Variants in BICD1 observed in about 807,000 individuals in gnomAD.
BICD1 encodes protein bicaudal D homolog 1.
Under a neutral mutation model 92.5 loss-of-function variants are expected in BICD1, and 35 were observed. The ratio of observed to expected loss-of-function variants is 0.38; its 90% CI spans 0.29 to 0.50. The LOEUF (loss-of-function observed/expected upper bound fraction) is 0.50. Ranked by LOEUF, BICD1 falls within the 20% of genes least tolerant of loss-of-function variation. The probability of loss-of-function intolerance (pLI) is 0.93; values close to 1 mark genes in which losing one functional copy is unlikely to be tolerated. For missense variants in BICD1, 950 were observed against 1,189.8 expected (o/e 0.80, Z 2.97); for synonymous variants, 429 against 465.1 (o/e 0.92, Z 1.00).
At chr12:32,332,692 C>T (rs1937930584) in intron 5 of BICD1, 5 of 344,760 alleles carry the variant, frequency 1.5e-5, no homozygotes, top group Non-Finnish European at 2.0e-5. Context: ...GCGGAAAAGA[C>T]TTCACAGAAG....
chr12:32,362,912 A>C (rs1939388779), intron 8 of BICD1, among the ~76,000 whole-genome samples: 1 of 152,132 alleles, frequency 6.6e-6, no homozygotes, highest in Non-Finnish European at 1.5e-5. Flanking sequence ...ATATTATCAA[A>C]AACACTTATT....
intron 1 of BICD1, among the ~76,000 whole-genome samples, chr12:32,120,641 A>G (rs1942107817): frequency 6.6e-6 from 1 of 152,136 alleles, no homozygotes; most frequent in South Asian, 2.1e-4. Flanking sequence ...CTTGAAGTTG[A>G]CCTTGTGTGA....
chr12:32,110,730 A>C (rs1941651985), intron 1 of BICD1, among the ~76,000 whole-genome samples: 1 of 151,858 alleles, frequency 6.6e-6, no homozygotes, highest in Non-Finnish European at 1.5e-5. Flanking sequence ...CCTTGGATCT[A>C]AACTTAAGAG....
At chr12:32,159,153 C>T (rs1016837752) in intron 1 of BICD1, among the ~76,000 whole-genome samples, 2 of 152,010 alleles carry the variant, frequency 1.3e-5, no homozygotes, top group African/African-American at 4.8e-5. Flanking sequence ...AGGCTGGTCT[C>T]GAACTTCTGA....
chr12:32,325,657 A>T (rs1215159873), intron 4 of BICD1, among the ~76,000 whole-genome samples: 4 of 152,184 alleles, frequency 2.6e-5, no homozygotes, highest in Non-Finnish European at 5.9e-5. Flanking sequence ...GTAATAAGCT[A>T]GTTTTAAAAT....
chr12:32,201,920 C>T (rs936680444), intron 1 of BICD1, among the ~76,000 whole-genome samples: 2 of 152,180 alleles, frequency 1.3e-5, no homozygotes, highest in African/African-American at 4.8e-5. Context: ...AGACTGCTTG[C>T]TGAGCACATA....
chr12:32,351,511 A>G (rs1335276198), intron 8 of BICD1, among the ~76,000 whole-genome samples: 2 of 139,298 alleles, frequency 1.4e-5, no homozygotes, highest in Non-Finnish European at 3.1e-5. Flanking sequence ...AAAAAAAAAA[A>G]GAAAGGAGAA....
intron 1 of BICD1, among the ~76,000 whole-genome samples, chr12:32,170,510 CT>C (rs1943904842): frequency 6.6e-6 from 1 of 152,214 alleles, no homozygotes; most frequent in Non-Finnish European, 1.5e-5. Context: ...TTGTACTCAA[CT>C]CTTTAAAGGT....
chr12:32,298,581 A>AAAAAAAG (rs1947945363), intron 3 of BICD1, among the ~76,000 whole-genome samples: 1 of 143,748 alleles, frequency 7.0e-6, no homozygotes. Flanking sequence ...AAAAAAAAAA[A>AAAAAAAG]AAAAAGAGGC....
chr12:32,235,989 C>T (rs565075060), intron 2 of BICD1, among the ~76,000 whole-genome samples: 21 of 151,682 alleles, frequency 1.4e-4, no homozygotes, highest in East Asian at 7.9e-4. Context: ...TGAGCCACTG[C>T]GCCTGGCCCA....
chr12:32,133,000 G>A (rs566969645), intron 1 of BICD1, among the ~76,000 whole-genome samples: 1 of 152,176 alleles, frequency 6.6e-6, no homozygotes, highest in South Asian at 2.1e-4. Context: ...AAAAGAAGGT[G>A]GAGAAATCAG....
At chr12:32,286,064 C>T (rs1036168137) in intron 2 of BICD1, among the ~76,000 whole-genome samples, 8 of 152,120 alleles carry the variant, frequency 5.3e-5, no homozygotes, top group African/African-American at 1.9e-4. Context: ...GTGTTGCAGC[C>T]CAAGCTCTTC....
rs1592741175 is a variant in BICD1 at position 32,380,823 on chromosome 12, A to G, written c.*3196A>G. The G allele has an allele frequency of 1.3e-5, 2 of 151,536 alleles. No homozygotes were observed. The highest frequency in any genetic ancestry group is 2.1e-4 in the South Asian group (1 of 4,744). The allele number at this position is 151,536 out of a possible 1,614,324, so 9.4% of individuals were successfully genotyped here. On this transcript the variant is annotated 3_prime_UTR_variant, in exon 10 of 10. Coordinates refer to ENST00000652176, the MANE Select transcript of BICD1 (RefSeq NM_001714.4). ...AGAGGAGGTACAATAGTAGTCTTCA[A>G]GAAAAGAATATTTAACAAATGATAG...
chr12:32,208,184 A>G (rs939945663), intron 1 of BICD1, among the ~76,000 whole-genome samples: 6 of 152,252 alleles, frequency 3.9e-5, no homozygotes, highest in Non-Finnish European at 8.8e-5. Context: ...ATAGAACTTA[A>G]AAACCTTGCC....
intron 4 of BICD1, among the ~76,000 whole-genome samples, chr12:32,316,212 T>G (rs1948496911): frequency 6.6e-6 from 1 of 152,118 alleles, no homozygotes. Flanking sequence ...TCTGGACACT[T>G]TTAAGGTAGG....
intron 1 of BICD1, among the ~76,000 whole-genome samples, chr12:32,150,922 A>G (rs537928918): frequency 2.0e-5 from 3 of 152,294 alleles, no homozygotes; most frequent in East Asian, 1.9e-4. Flanking sequence ...TGTCATTTTC[A>G]TTATAGCCCT....
rs183561979 is a variant in BICD1 at position 32,216,408 on chromosome 12, T to C, written c.375T>C (p.Asn125=). 10 of 1,614,146 alleles carry C rather than the reference T, an allele frequency of 6.2e-6. No homozygotes were observed. Among genetic ancestry groups the C allele is most frequent in the African/African-American group, 5.3e-5 (4 of 75,024 alleles). The change falls in exon 2 of 10, where the codon AAT becomes AAC. Residue 125 remains asparagine, a synonymous_variant. Coordinates refer to ENST00000652176, the MANE Select transcript of BICD1 (RefSeq NM_001714.4). ...ELKQSRAVVT[N]VQAENERLTA... is the part of the protein sequence containing the mutation. ...AACAGAGCCGGGCTGTGGTCACTAA[T>C]GTACAGGCAGAAAACGAGAGGCTCA...
At chr12:32,252,086 A>ATTATATATTTAT (rs1946555197) in intron 2 of BICD1, among the ~76,000 whole-genome samples, 1 of 27,052 alleles carries the variant, frequency 3.7e-5, no homozygotes, top group African/African-American at 2.3e-4. Context: ...ATATATTTAT[A>ATTATATATTTAT]AATATATATT....
chr12:32,236,083 C>A (rs12308522), intron 2 of BICD1, among the ~76,000 whole-genome samples: 18,252 of 151,614 alleles, frequency 0.12, 1,790 homozygotes, highest in African/African-American at 0.27. Context: ...TGGGGATGGC[C>A]TGAACTGCAT....
Sources: gnomAD v4.1 joint callset for allele counts (sites outside exome capture counted in the v4.1 genomes callset) on GRCh38, gnomAD v4.1.1 for gene constraint, MANE v1.5 for transcripts, NCBI Gene and HGNC (gene_info 2026-07-23, HGNC 2026-07-21) for gene names.